Variants in SLC25A37 observed in about 807,000 individuals in gnomAD.
SLC25A37 encodes the protein solute carrier family 25 member 37.
A neutral mutation model predicts 31.0 loss-of-function variants in SLC25A37; 17 were observed. The ratio of observed to expected loss-of-function variants is 0.55; its 90% CI spans 0.38 to 0.82. The LOEUF (loss-of-function observed/expected upper bound fraction) is 0.82, where lower values mean the gene tolerates loss of function less well. Ranked by LOEUF, SLC25A37 falls within the 40% of genes least tolerant of loss-of-function variation. SLC25A37 has a pLI of 0.00. For synonymous variants in SLC25A37, 222 were observed against 193.0 expected (o/e 1.15, Z -1.24); for missense variants, 404 against 465.8 (o/e 0.87, Z 1.22).
At chr8:23,570,392 TC>T (rs1249686749) in intron 3 of SLC25A37, among the ~76,000 whole-genome samples, 1 of 148,230 alleles carries the variant, frequency 6.7e-6, no homozygotes, top group Non-Finnish European at 1.5e-5. Flanking sequence ...AAAGAGGCAT[TC>T]TTAGGTAAGC....
At chr8:23,539,783 C>A (rs892429809) in intron 1 of SLC25A37, among the ~76,000 whole-genome samples, 3 of 152,258 alleles carry the variant, frequency 2.0e-5, no homozygotes, top group African/African-American at 7.2e-5. Context: ...GTATCAGAGG[C>A]AATGTGCTTG....
chr8:23,553,345 C>T (rs1272423072), intron 1 of SLC25A37, among the ~76,000 whole-genome samples: 9 of 151,942 alleles, frequency 5.9e-5, no homozygotes, highest in Non-Finnish European at 1.0e-4. Context: ...GGCTTGAACC[C>T]GGGGGCTGGA....
At chr8:23,560,682 T>G (rs1453405219) in intron 1 of SLC25A37, among the ~76,000 whole-genome samples, 1 of 152,194 alleles carries the variant, frequency 6.6e-6, no homozygotes, top group Non-Finnish European at 1.5e-5. Flanking sequence ...TGTCTGGGGC[T>G]TGTGTCATTA....
At position 23,572,873 on chromosome 8, in the gene SLC25A37, G is replaced by C. The variant is rs938873709; in HGVS notation, c.*1018G>C. The stretch of plus-strand genomic sequence containing the variant: ...AGTGATGTGAATGCCTGCCTTCCCC[G>C]GTCAGCACTTAGAAGCCCTTGATAG... On this transcript the variant is annotated 3_prime_UTR_variant, in exon 4 of 4. Coordinates refer to ENST00000519973, the MANE Select transcript of SLC25A37 (RefSeq NM_016612.4). 1.3e-5 allele frequency: 2 copies of C among 152,242 alleles called. No homozygotes were observed. The highest frequency in any genetic ancestry group is 4.1e-4 in the South Asian group (2 of 4,824). The allele number at this position is 152,242 out of a possible 1,614,324, so 9.4% of individuals were successfully genotyped here. A position where few individuals can be genotyped will look rare whatever the true frequency, so the allele number is the denominator to read the frequency against.
chr8:23,566,514 GCA>G (rs1238925009), intron 2 of SLC25A37, 178 bp downstream of exon 2: 4 of 1,361,448 alleles, frequency 2.9e-6, no homozygotes, highest in East Asian at 3.1e-5. Context: ...ACACGCGCGC[GCA>G]CACACATGCT....
intron 1 of SLC25A37, among the ~76,000 whole-genome samples, chr8:23,565,820 C>T (rs1041332337): frequency 7.9e-5 from 12 of 152,208 alleles, no homozygotes; most frequent in African/African-American, 2.9e-4. Flanking sequence ...TAGGGATTCC[C>T]CAGAGGCCAC....
intron 1 of SLC25A37, among the ~76,000 whole-genome samples, chr8:23,535,019 G>A (rs1389086837): frequency 6.6e-6 from 1 of 152,094 alleles, no homozygotes; most frequent in African/African-American, 2.4e-5. Flanking sequence ...ACACCTCTGA[G>A]TCAATGGCCT....
Position 23,529,148 on chromosome 8 carries a change from T to A in SLC25A37, c.146T>A (p.Met49Lys). The A allele has an allele frequency of 6.2e-7, 1 of 1,611,672 alleles. No individual in the cohort carries two copies. Among genetic ancestry groups the A allele is most frequent in the South Asian group, 1.1e-5 (1 of 90,766 alleles). ...ACTAGCGCCTCCGTGTCCACCCACA[T>A]GACAGCAGGAGCGATGGCCGGGATC... ...LPTSASVSTH[M>K]TAGAMAGILE... The change falls in exon 1 of 4, where the codon ATG (methionine) becomes AAG (lysine). Residue 49 changes from methionine (M) to lysine (K), a missense_variant. By Grantham distance (95) the Met-to-Lys change is moderately conservative. Around this residue, in one of 3 missense-constraint regions of SLC25A37, gnomAD observed 154 missense variants for 153.6 expected, o/e 1.00. Transcript: ENST00000519973. The surrounding 1 kb of genome is among the most constrained non-coding windows in gnomAD (Gnocchi z 4.1).
At chr8:23,546,636 T>TC (rs757433392) in intron 1 of SLC25A37, among the ~76,000 whole-genome samples, 23 of 143,634 alleles carry the variant, frequency 1.6e-4, no homozygotes, top group Non-Finnish European at 3.0e-4. Context: ...ATATATATAT[T>TC]TGGGCCAGGA....
At chr8:23,552,846 T>C (rs571724537) in intron 1 of SLC25A37, among the ~76,000 whole-genome samples, 1 of 152,218 alleles carries the variant, frequency 6.6e-6, no homozygotes, top group Non-Finnish European at 1.5e-5. Flanking sequence ...CAGAACAAAG[T>C]TGGGGAGGTT....
At chr8:23,570,962 C>T (rs1403335699) in intron 3 of SLC25A37, among the ~76,000 whole-genome samples, 8 of 152,100 alleles carry the variant, frequency 5.3e-5, no homozygotes. Context: ...GGACAGGATT[C>T]AGCTTTGTGG....
At chr8:23,568,125 TA>T in intron 2 of SLC25A37, 196 bp from the exon 3 acceptor site, 1 of 676,528 alleles carries the variant, frequency 1.5e-6, no homozygotes, top group Non-Finnish European at 2.7e-6. Flanking sequence ...TGAGTGTGCC[TA>T]AATTAACCAT....
At chr8:23,540,246 G>C (rs1395081811) in intron 1 of SLC25A37, among the ~76,000 whole-genome samples, 1 of 152,210 alleles carries the variant, frequency 6.6e-6, no homozygotes, top group Non-Finnish European at 1.5e-5. Flanking sequence ...CTCCAGAGCT[G>C]AAAGCGAGAG....
chr8:23,553,208 G>A (rs1185164981), intron 1 of SLC25A37, among the ~76,000 whole-genome samples: 1 of 152,126 alleles, frequency 6.6e-6, no homozygotes, highest in African/African-American at 2.4e-5. Context: ...ATCACCTGAG[G>A]TCAGGAGTTT....
Position 23,574,093 on chromosome 8 carries a change from G to T in SLC25A37, c.*2238G>T, listed in dbSNP as rs374596467. The stretch of plus-strand genomic sequence containing the variant: ...ACGCTGAAGCAAGGTATTTCCTACT[G>T]GATTTTGCTTTCACTGGTGTTTAGA... On this transcript the variant is annotated 3_prime_UTR_variant, in exon 4 of 4. Coordinates refer to ENST00000519973, the MANE Select transcript of SLC25A37 (RefSeq NM_016612.4). The T allele has an allele frequency of 2.9e-4, 96 of 330,480 alleles. 1 individual carries two copies. Among genetic ancestry groups the T allele is most frequent in the South Asian group, 1.7e-3 (70 of 41,824 alleles). The allele number at this position is 330,480 out of a possible 1,614,324, so 20.5% of individuals were successfully genotyped here. A position where few individuals can be genotyped will look rare whatever the true frequency, so the allele number is the denominator to read the frequency against.
chr8:23,571,110 G>A (rs1449427965), intron 3 of SLC25A37, among the ~76,000 whole-genome samples: 1 of 152,188 alleles, frequency 6.6e-6, no homozygotes, highest in Non-Finnish European at 1.5e-5. Flanking sequence ...CACCTTCCAG[G>A]CGTGAGTCCT....
At position 23,571,965 on chromosome 8, in the gene SLC25A37, C is replaced by G. The variant is rs1185277167; in HGVS notation, c.*110C>G. On this transcript the variant is annotated 3_prime_UTR_variant, in exon 4 of 4. Transcript: ENST00000519973. The stretch of plus-strand genomic sequence containing the variant: ...TTTTTTGCAGGGTGCTGCCTATGGG[C>G]CCTCTGCTCCCCAATGCCTTAGAGA... 1 of 1,195,870 alleles carries G rather than the reference C, an allele frequency of 8.4e-7. No individual in the cohort carries two copies. Among genetic ancestry groups the G allele is most frequent in the Non-Finnish European group, 1.2e-6 (1 of 854,772 alleles). The allele number at this position is 1,195,870 out of a possible 1,614,324, so 74.1% of individuals were successfully genotyped here.
chr8:23,536,880 A>G (rs1801779848), intron 1 of SLC25A37, among the ~76,000 whole-genome samples: 1 of 152,168 alleles, frequency 6.6e-6, no homozygotes, highest in Admixed American at 6.6e-5. Flanking sequence ...CTCTTCCTTG[A>G]GATCCCAGAC....
chr8:23,534,622 A>G (rs1416521465), intron 1 of SLC25A37, among the ~76,000 whole-genome samples: 1 of 152,092 alleles, frequency 6.6e-6, no homozygotes, highest in Non-Finnish European at 1.5e-5. Flanking sequence ...AAGGGTTGGG[A>G]GCATGGACCC....
Sources: gnomAD v4.1 joint callset for allele counts (sites outside exome capture counted in the v4.1 genomes callset) on GRCh38, gnomAD v4.1.1 for gene constraint, gnomAD v4.1.1 regional missense constraint, Gnocchi (gnomAD v3.1) non-coding constraint, MANE v1.5 for transcripts, NCBI Gene and HGNC (gene_info 2026-07-23, HGNC 2026-07-21) for gene names.